Variants in SOS2 observed in about 807,000 individuals in gnomAD.
The protein encoded by SOS2 is son of sevenless homolog 2.
SOS2 carries 65 observed loss-of-function variants against 148.2 expected under a neutral mutation model. The ratio of observed to expected loss-of-function variants is 0.44; its 90% CI spans 0.36 to 0.54. The LOEUF is 0.54. SOS2 is among the 20% of genes least tolerant of loss of function. The pLI is 0.00. For missense variants in SOS2, 1,341 were observed against 1,590.2 expected, an observed-to-expected ratio of 0.84 and a Z score of 2.67; for synonymous variants, 539 against 537.1, an observed-to-expected ratio of 1.00 and a Z score of -0.05.
chr14:50,119,720 G>A (rs903503021), intron 22 of SOS2, among the ~76,000 whole-genome samples: 1 of 150,542 alleles, frequency 6.6e-6, no homozygotes, highest in African/African-American at 2.4e-5. Context: ...ATTTTTAGTA[G>A]AGACAGGGTT....
chr14:50,170,850 C>T (rs1265972908), intron 8 of SOS2, among the ~76,000 whole-genome samples: 5 of 148,064 alleles, frequency 3.4e-5, no homozygotes, highest in South Asian at 2.1e-4. Context: ...GGGTGGCTCA[C>T]GCCTATAATC....
At chr14:50,187,725 A>G (rs1251373995) in intron 5 of SOS2, among the ~76,000 whole-genome samples, 1 of 152,250 alleles carries the variant, frequency 6.6e-6, no homozygotes, top group Non-Finnish European at 1.5e-5. Context: ...GAAAGAAAAA[A>G]AACTTTTTTG....
intron 1 of SOS2, among the ~76,000 whole-genome samples, chr14:50,223,308 G>A (rs1772557905): frequency 6.6e-6 from 1 of 152,178 alleles, no homozygotes; most frequent in Admixed American, 6.6e-5. Flanking sequence ...GCTGAGGCAG[G>A]AGGAATGCTT....
intron 8 of SOS2, among the ~76,000 whole-genome samples, chr14:50,173,368 T>G (rs1451965807): frequency 6.6e-6 from 1 of 152,250 alleles, no homozygotes; most frequent in East Asian, 1.9e-4. Flanking sequence ...CTTTTTTAAG[T>G]TCTTTTTTAT....
At chr14:50,138,805 ATTT>A in intron 17 of SOS2, 21 bp from the exon 18 acceptor site, 8 of 769,062 alleles carry the variant, frequency 1.0e-5, no homozygotes, top group Non-Finnish European at 1.6e-5. Context: ...AAAAAAAAGA[ATTT>A]AAAGAAAAGT....
chr14:50,182,444 A>G lies in SOS2; in HGVS notation c.858+19T>C. 1 of 1,611,184 alleles carries G rather than the reference A, an allele frequency of 6.2e-7. No individual in the cohort carries two copies. Among genetic ancestry groups the G allele is most frequent in the Non-Finnish European group, 8.5e-7 (1 of 1,177,434 alleles). ...CATTTAGGGCTTTAATGAGAATATA[A>G]GTAGTTTTGTAAACTTACTTCTGCC... On this transcript the variant is annotated intron_variant, in intron 6 of 22. Coordinates refer to ENST00000216373, the MANE Select transcript of SOS2 (RefSeq NM_006939.4).
intron 8 of SOS2, among the ~76,000 whole-genome samples, chr14:50,169,081 G>A (rs1275496905): frequency 1.3e-5 from 2 of 152,096 alleles, no homozygotes; most frequent in African/African-American, 4.8e-5. Flanking sequence ...GGAGGCCAAG[G>A]CAGGCGGATC....
chr14:50,207,554 G>GA (rs1231419546), intron 1 of SOS2, among the ~76,000 whole-genome samples: 249 of 130,772 alleles, frequency 1.9e-3, no homozygotes, highest in South Asian at 3.3e-3. Flanking sequence ...TATGAATCCA[G>GA]AAAAAAAAAA....
chr14:50,194,734 C>T (rs1373363501), intron 4 of SOS2, among the ~76,000 whole-genome samples: 3 of 150,272 alleles, frequency 2.0e-5, no homozygotes, highest in Admixed American at 1.3e-4. Context: ...GCCAAGATCA[C>T]GCCACTGCGC....
intron 22 of SOS2, 66 bp downstream of exon 22, chr14:50,120,208 AT>A (rs1438978685): frequency 1.3e-6 from 1 of 744,062 alleles, no homozygotes; most frequent in East Asian, 2.5e-5. Context: ...CAGACTCTTT[AT>A]AACACTAGGC....
intron 1 of SOS2, among the ~76,000 whole-genome samples, chr14:50,219,873 G>C (rs1887148308): frequency 1.3e-5 from 2 of 151,964 alleles, no homozygotes; most frequent in African/African-American, 4.8e-5. Flanking sequence ...GAGGTGTGGA[G>C]ACAGAATCTT....
At chr14:50,192,724 C>T (rs1312548214) in intron 4 of SOS2, among the ~76,000 whole-genome samples, 5 of 151,906 alleles carry the variant, frequency 3.3e-5, no homozygotes, top group African/African-American at 7.3e-5. Context: ...ATTAGCCAGG[C>T]GTGGTGGCAA....
intron 8 of SOS2, among the ~76,000 whole-genome samples, chr14:50,168,828 G>C (rs557142230): frequency 2.0e-5 from 3 of 152,032 alleles, no homozygotes; most frequent in Non-Finnish European, 4.4e-5. Context: ...CACAATCCTG[G>C]AACAGTTTTA....
At position 50,168,223 on chromosome 14, in the gene SOS2, G is replaced by T. The variant is rs546832328; in HGVS notation, c.1068+6231C>A. Among the ~76,000 whole-genome samples the T allele has an allele frequency of 1.1e-3, 172 of 152,286 alleles. 1 individual carries two copies. Among genetic ancestry groups the T allele is most frequent in the African/African-American group, 3.9e-3 (164 of 41,564 alleles). ...AACATGTCCTTAGTAAAAAAGGACA[G>T]ACATAGATTATTTTCTGAGATAAGG... On this transcript the variant is annotated intron_variant, in intron 8 of 22. Coordinates refer to ENST00000216373, the MANE Select transcript of SOS2 (RefSeq NM_006939.4).
chr14:50,167,176 T>G (rs2139654329), intron 8 of SOS2, among the ~76,000 whole-genome samples: 1 of 152,348 alleles, frequency 6.6e-6, no homozygotes, highest in East Asian at 1.9e-4. Flanking sequence ...CTTTCTTTCA[T>G]ATGTACCTGA....
intron 14 of SOS2, among the ~76,000 whole-genome samples, chr14:50,145,868 C>T (rs1187620917): frequency 6.6e-6 from 1 of 152,194 alleles, no homozygotes; most frequent in African/African-American, 2.4e-5. Context: ...GGCGTGGTGG[C>T]TCATGCCTGT....
At chr14:50,128,476 C>G (rs1240637862) in intron 21 of SOS2, among the ~76,000 whole-genome samples, 3 of 152,010 alleles carry the variant, frequency 2.0e-5, no homozygotes, top group African/African-American at 7.3e-5. Flanking sequence ...ATTATGAACT[C>G]CAGGAAACAG....
intron 16 of SOS2, among the ~76,000 whole-genome samples, chr14:50,141,614 T>C (rs1884290283): frequency 6.6e-6 from 1 of 152,158 alleles, no homozygotes; most frequent in East Asian, 1.9e-4. Flanking sequence ...CAAAACTTTA[T>C]TAACTGAGTA....
intron 1 of SOS2, 177 bp downstream of exon 1, chr14:50,231,020 A>G (rs1595044424): frequency 2.9e-6 from 2 of 700,624 alleles, no homozygotes; most frequent in Non-Finnish European, 3.9e-6. Flanking sequence ...GGCAAAAAAA[A>G]AAAACTTGAG....
Sources: allele counts gnomAD v4.1 joint callset (sites outside exome capture counted in the v4.1 genomes callset), GRCh38; gene constraint gnomAD v4.1.1; transcripts MANE v1.5; gene names NCBI Gene and HGNC (gene_info 2026-07-23, HGNC 2026-07-21).